Variants in AIG1 observed in about 807,000 individuals in gnomAD.
AIG1 encodes androgen-induced gene 1 protein.
AIG1 carries 23 observed loss-of-function variants against 31.4 expected under a neutral mutation model. The observed-to-expected ratio is 0.73, with a 90% CI of 0.53 to 1.04. The LOEUF (loss-of-function observed/expected upper bound fraction) is 1.04, where lower values mean the gene tolerates loss of function less well. Among genes scored for constraint, AIG1 ranks in the 50% least tolerant of loss-of-function variants. The probability of loss-of-function intolerance (pLI) is 0.00; values close to 1 mark genes in which losing one functional copy is unlikely to be tolerated. For missense variants in AIG1, 274 were observed against 295.0 expected, an observed-to-expected ratio of 0.93 and a Z score of 0.52; for synonymous variants, 100 against 110.5, an observed-to-expected ratio of 0.90 and a Z score of 0.60.
intron 1 of AIG1, among the ~76,000 whole-genome samples, chr6:143,085,129 G>T (rs1452891203): frequency 6.6e-6 from 1 of 152,096 alleles, no homozygotes; most frequent in Non-Finnish European, 1.5e-5. Context: ...ATTTACCTAG[G>T]TCTATTTTAA....
chr6:143,156,618 C>T (rs922205618), intron 2 of AIG1, among the ~76,000 whole-genome samples: 1 of 152,192 alleles, frequency 6.6e-6, no homozygotes, highest in Non-Finnish European at 1.5e-5. Flanking sequence ...AGATTGGACT[C>T]CTGTGACCAG....
rs142225083 is a variant in AIG1, at chr6:143,198,501, T to C, written c.399+33318T>C. Among the ~76,000 whole-genome samples, 639 of 152,350 alleles carry C rather than the reference T, an allele frequency of 4.2e-3. 6 individuals carry two copies. Among genetic ancestry groups the C allele is most frequent in the African/African-American group, 0.015 (614 of 41,584 alleles). ...ATTATAAAACTGACATTGTTGAGTT[T>C]TACATTCTATCTTAAGATATCAGAA... On this transcript the variant is annotated intron_variant, in intron 3 of 5. Transcript: ENST00000357847.
In AIG1 at chr6:143,331,094, A is replaced by G. The variant is rs1777034539; in HGVS notation, c.516-2188A>G. Among the ~76,000 whole-genome samples the G allele has an allele frequency of 6.6e-6, 1 of 151,604 alleles. No individual in the cohort carries two copies. Among genetic ancestry groups the G allele is most frequent in the Non-Finnish European group, 1.5e-5 (1 of 67,946 alleles). ...CTCTTTGCTGTAAGATTGTTCCTCAATCTTTCTTTCATTACTACTTCCCTC... is the reference window on the plus strand; with the variant it reads ...CTCTTTGCTGTAAGATTGTTCCTCAGTCTTTCTTTCATTACTACTTCCCTC... On this transcript the variant is annotated intron_variant, in intron 4 of 5. Transcript: ENST00000357847. The surrounding 1 kb of genome is among the most constrained non-coding windows in gnomAD (Gnocchi z 4.1).
chr6:143,190,331 A>C (rs1789675467), intron 3 of AIG1: 1 of 985,364 alleles, frequency 1.0e-6, no homozygotes, highest in Admixed American at 6.1e-5. Context: ...TGAGCTTTTG[A>C]TGCTTGAGGC....
At chr6:143,199,188 A>C (rs564927572) in intron 3 of AIG1, among the ~76,000 whole-genome samples, 1 of 152,196 alleles carries the variant, frequency 6.6e-6, no homozygotes, top group Non-Finnish European at 1.5e-5. Context: ...TGAATTGAGA[A>C]TATTTGAACA....
In AIG1 at chr6:143,089,605, G is replaced by A. The variant is rs144798336; in HGVS notation, c.141+28539G>A. ...ATTTATAGAGGAAAAAGATTTATTT[G>A]GCTCATGATTCTGCTGGCTGGAAGA... On this transcript the variant is annotated intron_variant, in intron 1 of 5. Coordinates refer to ENST00000357847, the MANE Select transcript of AIG1 (RefSeq NM_016108.4). Among the ~76,000 whole-genome samples the A allele has an allele frequency of 9.8e-5, 15 of 152,286 alleles. No homozygotes were observed. In the East Asian group the frequency reaches 2.7e-3, roughly 27 times the overall value.
intron 1 of AIG1, among the ~76,000 whole-genome samples, chr6:143,089,544 T>C (rs1390578116): frequency 6.6e-6 from 1 of 152,226 alleles, no homozygotes; most frequent in Non-Finnish European, 1.5e-5. Flanking sequence ...TCTTAGTCCA[T>C]TTGTATTGCT....
intron 1 of AIG1, among the ~76,000 whole-genome samples, chr6:143,079,862 G>A (rs971623587): frequency 1.3e-5 from 2 of 149,728 alleles, no homozygotes; most frequent in Admixed American, 6.8e-5. Context: ...GGGACCCAAA[G>A]GGGGTTGCCA....
At chr6:143,260,190 A>C (rs1305523774) in intron 3 of AIG1, among the ~76,000 whole-genome samples, 2 of 151,750 alleles carry the variant, frequency 1.3e-5, no homozygotes, top group East Asian at 3.9e-4. Flanking sequence ...CGCCTGGTTA[A>C]TTTTTTGTAT....
At chr6:143,164,046 C>T (rs1488124224) in intron 2 of AIG1, among the ~76,000 whole-genome samples, 5 of 152,102 alleles carry the variant, frequency 3.3e-5, no homozygotes, top group South Asian at 2.1e-4. Context: ...CACCGACCTA[C>T]GAAACCACCA....
At chr6:143,124,703 T>C (rs955416465) in intron 1 of AIG1, among the ~76,000 whole-genome samples, 13 of 152,186 alleles carry the variant, frequency 8.5e-5, no homozygotes, top group Admixed American at 2.6e-4. Context: ...TCAGGAAACT[T>C]ACAATCATGG....
chr6:143,309,230 C>A (rs1775065498), intron 4 of AIG1, among the ~76,000 whole-genome samples: 1 of 151,470 alleles, frequency 6.6e-6, no homozygotes, highest in African/African-American at 2.4e-5. Context: ...CTCAGACAAG[C>A]AAAAATGGAG....
At chr6:143,190,144 A>G (rs771127978) in intron 3 of AIG1, 22 of 981,038 alleles carry the variant, frequency 2.2e-5, no homozygotes, top group Non-Finnish European at 2.7e-5. Flanking sequence ...TTAGGGTTTC[A>G]ACATATGAAT....
At chr6:143,245,528 A>C (rs1161500707) in intron 3 of AIG1, among the ~76,000 whole-genome samples, 1 of 152,238 alleles carries the variant, frequency 6.6e-6, no homozygotes, top group African/African-American at 2.4e-5. Flanking sequence ...TCAGTACAAA[A>C]ATCCAATCAA....
intron 2 of AIG1, among the ~76,000 whole-genome samples, chr6:143,146,276 T>A (rs971092796): frequency 9.8e-5 from 15 of 152,286 alleles, no homozygotes; most frequent in South Asian, 4.1e-4. Flanking sequence ...AAAATATGTA[T>A]TTGAAATTTG....
intron 3 of AIG1, among the ~76,000 whole-genome samples, chr6:143,204,721 C>G (rs56383524): frequency 2.0e-4 from 30 of 152,054 alleles, no homozygotes; most frequent in African/African-American, 6.8e-4. Flanking sequence ...GAACAATGTG[C>G]GGAGTCCAAA....
chr6:143,061,345 C>T (rs940246655), intron 1 of AIG1: 5 of 574,496 alleles, frequency 8.7e-6, no homozygotes, highest in Admixed American at 6.6e-5. Context: ...GTGGTGGGCT[C>T]TTTGGAGGGG....
In AIG1 at chr6:143,334,018, TG is replaced by T; in HGVS notation, c.679+575del. The T allele has an allele frequency of 6.5e-7, 1 of 1,531,008 alleles. No individual in the cohort carries two copies. The highest frequency in any genetic ancestry group is 8.8e-7 in the Non-Finnish European group (1 of 1,131,476). The allele number at this position is 1,531,008 out of a possible 1,614,324, so 94.8% of individuals were successfully genotyped here. On this transcript the variant is annotated intron_variant, in intron 5 of 5. Transcript: ENST00000357847. This position sits in a 1 kb window ranked among gnomAD's most constrained non-coding sequence, Gnocchi z 5.1. Reference sequence around the variant, plus strand: ...ACAAGCAGTAAAAGATAATATTTCGTGGCTGGAAAAACTCTTTTAACCTGTG... The same window carrying T: ...ACAAGCAGTAAAAGATAATATTTCGTGCTGGAAAAACTCTTTTAACCTGTG...
At chr6:143,189,068 G>A in intron 3 of AIG1, 1 of 921,502 alleles carries the variant, frequency 1.1e-6, no homozygotes, top group Non-Finnish European at 1.3e-6. Flanking sequence ...CTTTTTAAGA[G>A]TCTCACTGTG....
Sources: allele counts gnomAD v4.1 joint callset (sites outside exome capture counted in the v4.1 genomes callset), GRCh38; gene constraint gnomAD v4.1.1; non-coding constraint Gnocchi (gnomAD v3.1); transcripts MANE v1.5; gene names NCBI Gene and HGNC (gene_info 2026-07-23, HGNC 2026-07-21).